The following DPYD variants were observed in gnomAD, a reference collection of about 807,000 sequenced individuals.
DPYD encodes dihydropyrimidine dehydrogenase [NADP(+)].
In DPYD, 109 loss-of-function variants were observed where a neutral mutation model predicts 116.2. The ratio of observed to expected loss-of-function variants is 0.94; its 90% CI spans 0.80 to 1.10. DPYD has a LOEUF of 1.10. Ranked by LOEUF, DPYD falls within the 50% of genes least tolerant of loss-of-function variation. The probability of loss-of-function intolerance (pLI) is 0.00; values close to 1 mark genes in which losing one functional copy is unlikely to be tolerated. For missense variants in DPYD, 1,302 were observed against 1,254.5 expected (o/e 1.04, Z -0.57); for synonymous variants, 440 against 432.0 (o/e 1.02, Z -0.23).
chr1:97,728,709 A>T (rs1663407370), intron 4 of DPYD, among the ~76,000 whole-genome samples: 1 of 152,084 alleles, frequency 6.6e-6, no homozygotes, highest in Non-Finnish European at 1.5e-5. Flanking sequence ...GGGTGAATTA[A>T]CATTACTTTT....
chr1:97,675,345 A>G (rs1333887217), intron 8 of DPYD, among the ~76,000 whole-genome samples: 1 of 152,198 alleles, frequency 6.6e-6, no homozygotes, highest in South Asian at 2.1e-4. Flanking sequence ...AGTCTTTAAC[A>G]ATGACTCAAT....
intron 13 of DPYD, among the ~76,000 whole-genome samples, chr1:97,507,095 A>G (rs1315673937): frequency 6.6e-6 from 1 of 152,020 alleles, no homozygotes; most frequent in Non-Finnish European, 1.5e-5. Flanking sequence ...TGAAGTGAAC[A>G]CTTGGATGAA....
chr1:97,088,904 C>A (rs1172262572), intron 21 of DPYD, among the ~76,000 whole-genome samples: 1 of 152,150 alleles, frequency 6.6e-6, no homozygotes, highest in African/African-American at 2.4e-5. Flanking sequence ...GTTCCCAGCC[C>A]ATTTCTCTGG....
intron 3 of DPYD, among the ~76,000 whole-genome samples, chr1:97,752,738 G>A (rs1665002311): frequency 6.6e-6 from 1 of 152,112 alleles, no homozygotes; most frequent in Admixed American, 6.5e-5. Flanking sequence ...TATCATGCTT[G>A]GAGCCATTCT....
At chr1:97,322,164 G>T (rs1489934031) in intron 16 of DPYD, among the ~76,000 whole-genome samples, 2 of 146,336 alleles carry the variant, frequency 1.4e-5, no homozygotes, top group Non-Finnish European at 3.0e-5. Flanking sequence ...CAGTGCACCA[G>T]CATGGCACAT....
At chr1:97,357,979 G>A (rs1670507990) in intron 16 of DPYD, among the ~76,000 whole-genome samples, 1 of 152,210 alleles carries the variant, frequency 6.6e-6, no homozygotes, top group Admixed American at 6.5e-5. Flanking sequence ...CACTGAGGAT[G>A]AGCTGAAGCA....
chr1:97,454,501 AC>A lies in DPYD; in HGVS notation c.1741-4279del, dbSNP rs1451975038. Among the ~76,000 whole-genome samples the A allele has an allele frequency of 2.6e-5, 4 of 152,064 alleles. 1 individual carries two copies. Among genetic ancestry groups the A allele is most frequent in the Non-Finnish European group, 5.9e-5 (4 of 67,832 alleles). On this transcript the variant is annotated intron_variant, in intron 13 of 22. Coordinates refer to ENST00000370192, the MANE Select transcript of DPYD (RefSeq NM_000110.4). ...GAGTTCATTCTCTATAATAAAAAAGACAAACTGCCATAGCTCTCATCTTCAG... is the reference window on the plus strand; with the variant it reads ...GAGTTCATTCTCTATAATAAAAAAGAAAACTGCCATAGCTCTCATCTTCAG...
chr1:97,275,551 T>C (rs1203688724), intron 18 of DPYD, among the ~76,000 whole-genome samples: 1 of 152,206 alleles, frequency 6.6e-6, no homozygotes, highest in African/African-American at 2.4e-5. Context: ...CAAACATTTG[T>C]CATTCAGGGT....
chr1:97,749,884 C>T (rs1394710638), intron 3 of DPYD, among the ~76,000 whole-genome samples: 1 of 152,010 alleles, frequency 6.6e-6, no homozygotes, highest in Non-Finnish European at 1.5e-5. Flanking sequence ...TTTATTATAG[C>T]TTTTCTATTG....
intron 20 of DPYD, among the ~76,000 whole-genome samples, chr1:97,174,936 C>T (rs1657139094): frequency 1.3e-5 from 2 of 152,106 alleles, no homozygotes; most frequent in Non-Finnish European, 2.9e-5. Flanking sequence ...GGATTTGTTA[C>T]TCCCATTTTA....
chr1:97,848,287 C>A, intron 2 of DPYD, among the ~76,000 whole-genome samples: 1 of 152,076 alleles, frequency 6.6e-6, no homozygotes, highest in South Asian at 2.1e-4. Flanking sequence ...TTAGTAGAGA[C>A]GGGGTTTCAC....
chr1:97,829,983 G>A (rs114896772), intron 2 of DPYD, among the ~76,000 whole-genome samples: 120 of 151,930 alleles, frequency 7.9e-4, no homozygotes, highest in African/African-American at 2.9e-3. Flanking sequence ...TCACCTATGA[G>A]TGAGAACATG....
chr1:97,402,428 G>A (rs1673427881), intron 14 of DPYD, among the ~76,000 whole-genome samples: 1 of 151,778 alleles, frequency 6.6e-6, no homozygotes, highest in Admixed American at 6.6e-5. Context: ...TTTCATTGTT[G>A]GTACAGAAGA....
chr1:97,441,127 T>C (rs1214799390), intron 14 of DPYD, among the ~76,000 whole-genome samples: 2 of 152,166 alleles, frequency 1.3e-5, no homozygotes, highest in African/African-American at 4.8e-5. Flanking sequence ...TCTTTATCAC[T>C]GGTTTGATTA....
intron 3 of DPYD, among the ~76,000 whole-genome samples, chr1:97,758,642 T>C (rs544314581): frequency 2.0e-5 from 3 of 152,316 alleles, no homozygotes; most frequent in Admixed American, 2.0e-4. Flanking sequence ...TGTTTCCAGC[T>C]TCTCCACCCT....
chr1:97,127,372 G>A (rs1652928782), intron 20 of DPYD, among the ~76,000 whole-genome samples: 1 of 152,086 alleles, frequency 6.6e-6, no homozygotes, highest in Non-Finnish European at 1.5e-5. Context: ...TTACATTTTT[G>A]TAGGCAAAGG....
At chr1:97,549,378 T>C (rs1432860645) in intron 12 of DPYD, among the ~76,000 whole-genome samples, 182 bp downstream of exon 12, 2 of 152,292 alleles carry the variant, frequency 1.3e-5, no homozygotes, top group East Asian at 3.9e-4. Context: ...CAATTTTTAA[T>C]CAACTCAACA....
intron 11 of DPYD, among the ~76,000 whole-genome samples, chr1:97,567,774 T>C (rs1652627921): frequency 6.6e-6 from 1 of 152,104 alleles, no homozygotes; most frequent in South Asian, 2.1e-4. Flanking sequence ...AACAAAAAAA[T>C]GTGGTCCAAT....
intron 11 of DPYD, among the ~76,000 whole-genome samples, chr1:97,566,240 A>G (rs887756485): frequency 2.0e-5 from 3 of 152,164 alleles, no homozygotes; most frequent in African/African-American, 7.2e-5. Flanking sequence ...GCATTCTTGG[A>G]GGCAAAGTTT....
Sources: gnomAD v4.1 joint callset for allele counts (sites outside exome capture counted in the v4.1 genomes callset) on GRCh38, gnomAD v4.1.1 for gene constraint, MANE v1.5 for transcripts, NCBI Gene and HGNC (gene_info 2026-07-23, HGNC 2026-07-21) for gene names.